The following PCDHA9 variants were observed in gnomAD, a reference collection of about 807,000 sequenced individuals.
PCDHA9 encodes protocadherin alpha-9.
In PCDHA9, 62 loss-of-function variants were observed where a neutral mutation model predicts 62.0. The ratio of observed to expected loss-of-function variants is 1.00; its 90% CI spans 0.81 to 1.23. The LOEUF (loss-of-function observed/expected upper bound fraction) is 1.23, where lower values mean the gene tolerates loss of function less well. Ranked by LOEUF, PCDHA9 falls within the 50% of genes most tolerant of loss-of-function variation. The pLI, the probability that PCDHA9 is intolerant of heterozygous loss-of-function variation, is 0.00. For missense variants in PCDHA9, 1,205 were observed against 1,249.8 expected (o/e 0.96, Z 0.54); for synonymous variants, 557 against 567.6 (o/e 0.98, Z 0.27).
At chr5:140,926,782 C>G in intron 1 of PCDHA9, 1 of 1,403,504 alleles carries the variant, frequency 7.1e-7, no homozygotes, top group Non-Finnish European at 9.3e-7. Context: ...GCAGTGACGG[C>G]CGGCAGGAGC....
At chr5:140,884,917 C>G (rs1343503909) in intron 1 of PCDHA9, among the ~76,000 whole-genome samples, 1 of 152,168 alleles carries the variant, frequency 6.6e-6, no homozygotes, top group Non-Finnish European at 1.5e-5. Flanking sequence ...CTTAATAGTT[C>G]TAAGTATTTA....
rs781938191 is a variant in PCDHA9 at position 140,871,499 on chromosome 5, GT to G, written c.2394+20614del. 14 of 1,584,318 alleles carry G rather than the reference GT, an allele frequency of 8.8e-6. No individual in the cohort carries two copies. In the East Asian group the frequency reaches 2.7e-4, roughly 31 times the overall value. On this transcript the variant is annotated intron_variant, in intron 1 of 3. Coordinates refer to ENST00000532602, the MANE Select transcript of PCDHA9 (RefSeq NM_031857.2). ...GGGTCAAATCACCCCGGACAGGTGAGTTTTCTACAGATTCCACCTATCAGGA... is the reference window on the plus strand; with the variant it reads ...GGGTCAAATCACCCCGGACAGGTGAGTTTCTACAGATTCCACCTATCAGGA...
At position 140,876,322 on chromosome 5, in the gene PCDHA9, A is replaced by C. The variant is rs146464308; in HGVS notation, c.2394+25433A>C. On this transcript the variant is annotated intron_variant, in intron 1 of 3. Transcript: ENST00000532602. ...AGAAATTTCCTATGGGATCAAAATG[A>C]TTTTGCCAGTGAGTGAGAAATGTAT... 2.9e-4 allele frequency: 465 copies of C among 1,614,034 alleles called. 1 individual carries two copies. In the African/African-American group the frequency reaches 5.7e-3, roughly 20 times the overall value.
At chr5:140,891,025 T>G (rs1554184622) in intron 1 of PCDHA9, among the ~76,000 whole-genome samples, 1 of 151,814 alleles carries the variant, frequency 6.6e-6, no homozygotes, top group African/African-American at 2.4e-5. Flanking sequence ...TCTGAGGGTA[T>G]AATCTTAGGT....
At position 140,850,475 on chromosome 5, in the gene PCDHA9, G is replaced by A. The variant is rs372827076; in HGVS notation, c.1980G>A (p.Thr660=). ...LVKDHGEPAL[T]ATATVLVSLV... ...AAGACCACGGGGAGCCAGCGCTGAC[G>A]GCCACGGCCACTGTGCTGGTGTCGC... Residue 660 remains threonine, a synonymous_variant, in exon 1 of 4, where the codon ACG becomes ACA. Coordinates refer to ENST00000532602, the MANE Select transcript of PCDHA9 (RefSeq NM_031857.2). The A allele has an allele frequency of 6.3e-7, 1 of 1,598,006 alleles. No homozygotes were observed. Among genetic ancestry groups the A allele is most frequent in the Middle Eastern group, 1.7e-4 (1 of 6,000 alleles).
intron 1 of PCDHA9, among the ~76,000 whole-genome samples, chr5:140,855,644 T>G (rs1324111294): frequency 6.7e-6 from 1 of 149,848 alleles, no homozygotes; most frequent in Non-Finnish European, 1.5e-5. Context: ...TTGATAATCA[T>G]GTGGTTAGGG....
At chr5:140,901,930 C>G (rs902948893) in intron 1 of PCDHA9, among the ~76,000 whole-genome samples, 2 of 151,400 alleles carry the variant, frequency 1.3e-5, no homozygotes, top group Admixed American at 1.3e-4. Flanking sequence ...TTGGTTAATT[C>G]CTAGGTATAT....
At chr5:140,997,792 T>C (rs1279010273) in intron 3 of PCDHA9, among the ~76,000 whole-genome samples, 1 of 152,160 alleles carries the variant, frequency 6.6e-6, no homozygotes, top group African/African-American at 2.4e-5. Context: ...TATATTATAA[T>C]TTATCCAATT....
At chr5:140,885,274 AT>A (rs2153409165) in intron 1 of PCDHA9, among the ~76,000 whole-genome samples, 1 of 152,248 alleles carries the variant, frequency 6.6e-6, no homozygotes, top group South Asian at 2.1e-4. Context: ...ATACATATAT[AT>A]ATACATATAT....
At chr5:140,880,317 A>C (rs1295276378) in intron 1 of PCDHA9, among the ~76,000 whole-genome samples, 1 of 152,248 alleles carries the variant, frequency 6.6e-6, no homozygotes, top group East Asian at 1.9e-4. Flanking sequence ...ACAAGTAAAA[A>C]ATAAGATACT....
At chr5:140,968,961 A>G (rs1554231270) in intron 1 of PCDHA9, 1 of 1,614,088 alleles carries the variant, frequency 6.2e-7, no homozygotes, top group African/African-American at 1.3e-5. Context: ...ATCAAGTGCT[A>G]CCGCTACACT....
At chr5:140,903,515 G>T (rs542642607) in intron 1 of PCDHA9, among the ~76,000 whole-genome samples, 1 of 152,244 alleles carries the variant, frequency 6.6e-6, no homozygotes, top group Non-Finnish European at 1.5e-5. Context: ...TAGTTCTATT[G>T]TGTTGTTCAC....
At chr5:141,009,455 A>G in intron 3 of PCDHA9, 172 bp from the exon 4 acceptor site, 1 of 946,862 alleles carries the variant, frequency 1.1e-6, no homozygotes, top group Non-Finnish European at 1.3e-6. Flanking sequence ...AAAAAATTAA[A>G]CAAATAAATA....
chr5:140,928,921 C>A (rs782289381), intron 1 of PCDHA9: 1 of 1,614,116 alleles, frequency 6.2e-7, no homozygotes, highest in Non-Finnish European at 8.5e-7. Flanking sequence ...AGGAGGGCAG[C>A]TTTCTGCCCA....
Position 140,974,863 on chromosome 5 carries a change from G to A in PCDHA9, c.2395-4086G>A, listed in dbSNP as rs559374442. On this transcript the variant is annotated intron_variant, in intron 1 of 3. Coordinates refer to ENST00000532602, the MANE Select transcript of PCDHA9 (RefSeq NM_031857.2). ...ATGTTATATTCCCTTTTGCCTTAAT[G>A]CGGAACAGTCTATGTATCCCTTTTC... Among the ~76,000 whole-genome samples, 14 of 152,198 alleles carry A rather than the reference G, an allele frequency of 9.2e-5. No homozygotes were observed. The South Asian group carries it at 2.9e-3, about 32-fold the overall frequency.
chr5:140,986,737 G>A (rs1183806071), intron 3 of PCDHA9, among the ~76,000 whole-genome samples: 1 of 152,192 alleles, frequency 6.6e-6, no homozygotes, highest in African/African-American at 2.4e-5. Flanking sequence ...CAAGACCCCA[G>A]GGGATCTGGG....
chr5:140,971,845 G>A (rs370364575), intron 1 of PCDHA9, among the ~76,000 whole-genome samples: 4 of 152,052 alleles, frequency 2.6e-5, no homozygotes, highest in Admixed American at 6.5e-5. Context: ...CAAGTCATGC[G>A]TTAAATATTT....
chr5:140,906,486 A>C (rs2072686991), intron 1 of PCDHA9, among the ~76,000 whole-genome samples: 1 of 152,270 alleles, frequency 6.6e-6, no homozygotes, highest in East Asian at 1.9e-4. Context: ...GTATAAATGC[A>C]CAAACATGTT....
At chr5:140,936,833 A>G (rs186890408) in intron 1 of PCDHA9, among the ~76,000 whole-genome samples, 1 of 152,276 alleles carries the variant, frequency 6.6e-6, no homozygotes, top group East Asian at 1.9e-4. Context: ...GCATTTCTAT[A>G]TAAATTGTAG....
Sources: allele counts gnomAD v4.1 joint callset (sites outside exome capture counted in the v4.1 genomes callset), GRCh38; gene constraint gnomAD v4.1.1; transcripts MANE v1.5; gene names NCBI Gene and HGNC (gene_info 2026-07-23, HGNC 2026-07-21).